NCR3: variants seen among roughly 807,000 people sequenced by gnomAD.
NCR3 encodes NK-p30.
A neutral mutation model predicts 16.1 loss-of-function variants in NCR3; 13 were observed. That is an observed-to-expected ratio of 0.81 (90% CI 0.53 to 1.28). The LOEUF is 1.28. Ranked by LOEUF, NCR3 falls within the 50% of genes most tolerant of loss-of-function variation. The pLI, the probability that NCR3 is intolerant of heterozygous loss-of-function variation, is 0.00. For synonymous variants in NCR3, 98 were observed against 106.6 expected (o/e 0.92, Z 0.50); for missense variants, 202 against 256.8 (o/e 0.79, Z 1.46).
rs575110928 is a variant in NCR3 at position 31,589,595 on chromosome 6, G to C, written c.427C>G (p.Arg143Gly). Residue 143 changes from arginine (R) to glycine (G), a missense_variant, in exon 3 of 4, where the codon CGG (arginine) becomes GGG (glycine). Transcript: ENST00000340027. The surrounding 1 kb of genome is among the most constrained non-coding windows in gnomAD (Gnocchi z 4.8). ...AAGCTGACAGCATAGAATCCAGCCC[G>C]AAGGAGGAGGACTGTACCAGCCCCT... is the stretch of plus-strand genomic sequence containing the variant. The part of the protein sequence containing the change: ...QLGAGTVLLL[R>G]AGFYAVSFLS... 4 of 1,613,868 alleles carry C rather than the reference G, an allele frequency of 2.5e-6. No homozygotes were observed. The East Asian group carries it at 8.9e-5, about 36-fold the overall frequency.
rs759094317 is a variant in NCR3 at position 31,592,662 on chromosome 6, A to C, written c.43+17T>G. 6.2e-7 allele frequency: 1 copy of C among 1,612,738 alleles called. No homozygotes were observed. Among genetic ancestry groups the C allele is most frequent in the Non-Finnish European group, 8.5e-7 (1 of 1,179,976 alleles). ...CCCACCCACACTCCTTGGGGTCCTGAGCGCACGCCCTGTCACCTGGATGGA... is the reference window on the plus strand; with the variant it reads ...CCCACCCACACTCCTTGGGGTCCTGCGCGCACGCCCTGTCACCTGGATGGA... On this transcript the variant is annotated intron_variant, in intron 1 of 3. Coordinates refer to ENST00000340027, the MANE Select transcript of NCR3 (RefSeq NM_147130.3).
Position 31,589,754 on chromosome 6 carries a change from G to T in NCR3, c.388+28C>A. The stretch of plus-strand genomic sequence containing the variant: ...ATTGCCTCTTGGGGCCTCCAGCCAG[G>T]AGGAGACACCACCTCCCAGCATCTC... On this transcript the variant is annotated intron_variant, in intron 2 of 3. Transcript: ENST00000340027. This position sits in a 1 kb window ranked among gnomAD's most constrained non-coding sequence, Gnocchi z 4.8. 1 of 1,604,744 alleles carries T rather than the reference G, an allele frequency of 6.2e-7. No homozygotes were observed. Among genetic ancestry groups the T allele is most frequent in the African/African-American group, 1.3e-5 (1 of 74,790 alleles).
In NCR3 at chr6:31,589,338, C is replaced by T. The variant is rs1054470992; in HGVS notation, c.497-162G>A. 5.2e-6 allele frequency: 8 copies of T among 1,552,196 alleles called. No homozygotes were observed. The African/African-American group carries it at 9.6e-5, about 19-fold the overall frequency. ...TAGGGACATCTGGGCTCTGGAATCACTCCTCGGGGCCCATCTGAGGAGTGG... is the reference window on the plus strand; with the variant it reads ...TAGGGACATCTGGGCTCTGGAATCATTCCTCGGGGCCCATCTGAGGAGTGG... On this transcript the variant is annotated intron_variant, in intron 3 of 3. Coordinates refer to ENST00000340027, the MANE Select transcript of NCR3 (RefSeq NM_147130.3). This position sits in a 1 kb window ranked among gnomAD's most constrained non-coding sequence, Gnocchi z 4.8.
chr6:31,592,827 G>A lies in NCR3; in HGVS notation c.-106C>T. The A allele has an allele frequency of 8.1e-7, 1 of 1,237,492 alleles. No homozygotes were observed. The highest frequency in any genetic ancestry group is 1.2e-6 in the Non-Finnish European group (1 of 851,264). 76.7% of individuals were successfully genotyped at this position (1,237,492 alleles called of 1,614,324 possible). On this transcript the variant is annotated 5_prime_UTR_variant, in exon 1 of 4. Coordinates refer to ENST00000340027, the MANE Select transcript of NCR3 (RefSeq NM_147130.3). ...AGGCCTTTGGTCACCAGATGGGGAT[G>A]GGGAGCTTCCTATGACACACGGGAC... is the stretch of plus-strand genomic sequence containing the variant.
At chr6:31,592,593 C>G in intron 1 of NCR3, 86 bp downstream of exon 1, 1 of 1,489,200 alleles carries the variant, frequency 6.7e-7, no homozygotes. Context: ...CCCACCAAGC[C>G]CGTTCCCTAT....
At chr6:31,590,301 G>A (rs1164168694) in intron 1 of NCR3, among the ~76,000 whole-genome samples, 175 bp from the exon 2 acceptor site, 2 of 152,136 alleles carry the variant, frequency 1.3e-5, no homozygotes, top group Non-Finnish European at 2.9e-5. Flanking sequence ...TCTTAACATT[G>A]CTTATTAAAT....
At chr6:31,592,454 A>G (rs942963713) in intron 1 of NCR3, among the ~76,000 whole-genome samples, 2 of 151,796 alleles carry the variant, frequency 1.3e-5, no homozygotes, top group Non-Finnish European at 2.9e-5. Flanking sequence ...TTTATCATAG[A>G]TTTACTTGGA....
rs1302097375 is a variant in NCR3, at chr6:31,589,635, T to C, written c.389-2A>G. The C allele has an allele frequency of 1.2e-6, 2 of 1,613,394 alleles. No homozygotes were observed. The highest frequency in any genetic ancestry group is 1.3e-5 in the African/African-American group (1 of 74,906). ...TACCAGCCCCTAGCTGAGGATGTTC[T>C]GCATGGGGCAATGGAGACGGGGGTT... On this transcript the variant is annotated splice_acceptor_variant, in intron 2 of 3. Coordinates refer to ENST00000340027, the MANE Select transcript of NCR3 (RefSeq NM_147130.3). LOFTEE classifies it high-confidence loss of function. The surrounding 1 kb of genome is among the most constrained non-coding windows in gnomAD (Gnocchi z 4.8).
Position 31,589,828 on chromosome 6 carries a change from G to GC in NCR3, c.341dup (p.Leu115ProfsTer101). On this transcript the variant is annotated frameshift_variant, in exon 2 of 4. Coordinates refer to ENST00000340027, the MANE Select transcript of NCR3 (RefSeq NM_147130.3). LOFTEE classifies it high-confidence loss of function. This position sits in a 1 kb window ranked among gnomAD's most constrained non-coding sequence, Gnocchi z 4.8. ...TCCCATTCCCTGTCCCGACACCAAG[G>GC]CCCAGCACCTCCACTCTGCACACGT... is the stretch of plus-strand genomic sequence containing the variant. The GC allele has an allele frequency of 6.2e-7, 1 of 1,613,140 alleles. No homozygotes were observed. Among genetic ancestry groups the GC allele is most frequent in the Non-Finnish European group, 8.5e-7 (1 of 1,179,980 alleles).
intron 1 of NCR3, among the ~76,000 whole-genome samples, 183 bp downstream of exon 1, chr6:31,592,484 TCACAGTGGGTGA>T (rs1472637719): frequency 6.6e-6 from 1 of 150,434 alleles, no homozygotes; most frequent in Non-Finnish European, 1.5e-5. Context: ...CTAAAAAGCC[TCACAGTGGGTGA>T]CACAGAGAGA....
In NCR3 at chr6:31,589,777, C is replaced by G; in HGVS notation, c.388+5G>C. On this transcript the variant is annotated splice_donor_5th_base_variant and intron_variant, in intron 2 of 3. Transcript: ENST00000340027. The surrounding 1 kb of genome is among the most constrained non-coding windows in gnomAD (Gnocchi z 4.8). The stretch of plus-strand genomic sequence containing the variant: ...AGGAGGAGACACCACCTCCCAGCAT[C>G]TCACCTTTCTCCACCACCAGCCGAG... 1 of 1,608,334 alleles carries G rather than the reference C, an allele frequency of 6.2e-7. No homozygotes were observed. The highest frequency in any genetic ancestry group is 8.5e-7 in the Non-Finnish European group (1 of 1,176,684).
chr6:31,589,277 G>T lies in NCR3; in HGVS notation c.497-101C>A, dbSNP rs550889763. 1.7e-4 allele frequency: 260 copies of T among 1,554,264 alleles called. 4 individuals are homozygous for T. The South Asian group carries it at 2.2e-3, about 13-fold the overall frequency. On this transcript the variant is annotated intron_variant, in intron 3 of 3. Transcript: ENST00000340027. The surrounding 1 kb of genome is among the most constrained non-coding windows in gnomAD (Gnocchi z 4.8). Reference sequence around the variant, plus strand: ...CACTTGAGACTCATGAGGAGTTAGTGGTGGGGCAGATTTATTGGGGTCTTT... The same window carrying T: ...CACTTGAGACTCATGAGGAGTTAGTTGTGGGGCAGATTTATTGGGGTCTTT...
At chr6:31,591,773 G>A (rs1772647760) in intron 1 of NCR3, among the ~76,000 whole-genome samples, 1 of 151,934 alleles carries the variant, frequency 6.6e-6, no homozygotes, top group South Asian at 2.1e-4. Flanking sequence ...CTGAGATACC[G>A]CCACTGTACT....
rs996172815 is a variant in NCR3, at chr6:31,589,295, G to A, written c.497-119C>T. The A allele has an allele frequency of 3.2e-6, 5 of 1,552,564 alleles. No individual in the cohort carries two copies. The Admixed American group carries it at 9.8e-5, about 30-fold the overall frequency. On this transcript the variant is annotated intron_variant, in intron 3 of 3. Coordinates refer to ENST00000340027, the MANE Select transcript of NCR3 (RefSeq NM_147130.3). The surrounding 1 kb of genome is among the most constrained non-coding windows in gnomAD (Gnocchi z 4.8). ...AGTTAGTGGTGGGGCAGATTTATTG[G>A]GGTCTTTTGAAGAGGACTAGGGACA...
In NCR3 at chr6:31,589,631, G is replaced by T. The variant is rs1189194712; in HGVS notation, c.391C>A (p.His131Asn). ...ACTGTACCAGCCCCTAGCTGAGGAT[G>T]TTCTGCATGGGGCAATGGAGACGGG... ...NGTRLVVEKEHPQLGAGTVLL... is the reference protein window; with the variant it reads ...NGTRLVVEKENPQLGAGTVLL... Residue 131 changes from histidine (H) to asparagine (N), a missense_variant and splice_region_variant, in exon 3 of 4, where the codon CAT becomes AAT. By Grantham distance (68) the His-to-Asn change is moderately conservative. Transcript: ENST00000340027. This position sits in a 1 kb window ranked among gnomAD's most constrained non-coding sequence, Gnocchi z 4.8. The T allele has an allele frequency of 6.2e-7, 1 of 1,613,494 alleles. No individual in the cohort carries two copies. Among genetic ancestry groups the T allele is most frequent in the Non-Finnish European group, 8.5e-7 (1 of 1,180,012 alleles).
Position 31,589,321 on chromosome 6 carries a change from T to G in NCR3, c.497-145A>C. The G allele has an allele frequency of 6.4e-7, 1 of 1,552,266 alleles. No homozygotes were observed. Among genetic ancestry groups the G allele is most frequent in the Non-Finnish European group, 8.7e-7 (1 of 1,147,130 alleles). On this transcript the variant is annotated intron_variant, in intron 3 of 3. Coordinates refer to ENST00000340027, the MANE Select transcript of NCR3 (RefSeq NM_147130.3). The surrounding 1 kb of genome is among the most constrained non-coding windows in gnomAD (Gnocchi z 4.8). ...GGTCTTTTGAAGAGGACTAGGGACA[T>G]CTGGGCTCTGGAATCACTCCTCGGG...
rs920254683 is a variant in NCR3, at chr6:31,590,180, A to AAAGACAACAGAGCTTGGAGTAG, written c.44-76_44-55dup. The AAAGACAACAGAGCTTGGAGTAG allele has an allele frequency of 2.7e-5, 40 of 1,486,704 alleles. 1 individual carries two copies. Among genetic ancestry groups the AAAGACAACAGAGCTTGGAGTAG allele is most frequent in the Non-Finnish European group, 3.6e-5 (39 of 1,098,090 alleles). The allele number at this position is 1,486,704 out of a possible 1,614,324, so 92.1% of individuals were successfully genotyped here. On this transcript the variant is annotated intron_variant, in intron 1 of 3. Transcript: ENST00000340027. ...CACCTCCCCAGTTATTCCAAAGAGAAAAGACAACAGAGCTTGGAGTAGAAC... is the reference window on the plus strand; with the variant it reads ...CACCTCCCCAGTTATTCCAAAGAGAAAAGACAACAGAGCTTGGAGTAGAAGACAACAGAGCTTGGAGTAGAAC...
Position 31,589,462 on chromosome 6 carries a change from C to G in NCR3, c.496+64G>C. ...CTCCTCTTCCTGGTCTCTGTCCTCC[C>G]TCCTCCCACTCTCTTACTGCCCCTC... On this transcript the variant is annotated intron_variant, in intron 3 of 3. Coordinates refer to ENST00000340027, the MANE Select transcript of NCR3 (RefSeq NM_147130.3). This position sits in a 1 kb window ranked among gnomAD's most constrained non-coding sequence, Gnocchi z 4.8. 2.5e-6 allele frequency: 4 copies of G among 1,595,388 alleles called. No individual in the cohort carries two copies. The highest frequency in any genetic ancestry group is 2.3e-5 in the East Asian group (1 of 44,334).
At chr6:31,590,397 C>T (rs188960032) in intron 1 of NCR3, among the ~76,000 whole-genome samples, 1,797 of 152,106 alleles carry the variant, frequency 0.012, 19 homozygotes, top group South Asian at 0.051. Context: ...GTCAGGAGAT[C>T]GAGACCATCC....
Sources: allele counts gnomAD v4.1 joint callset (sites outside exome capture counted in the v4.1 genomes callset), GRCh38; gene constraint gnomAD v4.1.1; non-coding constraint Gnocchi (gnomAD v3.1); transcripts MANE v1.5; gene names NCBI Gene and HGNC (gene_info 2026-07-23, HGNC 2026-07-21).